PPP1R9A: variants seen among roughly 807,000 people sequenced by gnomAD.
PPP1R9A encodes protein phosphatase 1 regulatory subunit 9A.
Under a neutral mutation model 141.9 loss-of-function variants are expected in PPP1R9A, and 59 were observed. That is an observed-to-expected ratio of 0.42 (90% CI 0.34 to 0.52). The LOEUF (loss-of-function observed/expected upper bound fraction) is 0.52, where lower values mean the gene tolerates loss of function less well. Among genes scored for constraint, PPP1R9A ranks in the 20% least tolerant of loss-of-function variants. The pLI, the probability that PPP1R9A is intolerant of heterozygous loss-of-function variation, is 0.10. For synonymous variants in PPP1R9A, 500 were observed against 569.7 expected (o/e 0.88, Z 1.74); for missense variants, 1,444 against 1,611.9 (o/e 0.90, Z 1.78).
intron 2 of PPP1R9A, among the ~76,000 whole-genome samples, chr7:95,031,610 A>G (rs2151817623): frequency 6.6e-6 from 1 of 151,982 alleles, no homozygotes. Flanking sequence ...ATCAAAATTA[A>G]CTAGGCCTGA....
chr7:95,287,055 T>A lies in PPP1R9A; in HGVS notation c.3729+730T>A, dbSNP rs564497248. On this transcript the variant is annotated intron_variant, in intron 18 of 19. Coordinates refer to ENST00000433360, the MANE Select transcript of PPP1R9A (RefSeq NM_001166160.2). The stretch of plus-strand genomic sequence containing the variant: ...AAAATTATGTACTATATATGTTGTG[T>A]CTCCTGTTTCTGTAACACTTTTCTT... The A allele has an allele frequency of 9.7e-6, 15 of 1,539,690 alleles. No individual in the cohort carries two copies. The South Asian group carries it at 1.7e-4, about 17-fold the overall frequency.
intron 2 of PPP1R9A, among the ~76,000 whole-genome samples, chr7:95,047,167 G>T (rs952537717): frequency 5.3e-5 from 8 of 152,194 alleles, no homozygotes; most frequent in African/African-American, 1.9e-4. Flanking sequence ...GGTGGTTCCA[G>T]CCCCAAGATT....
intron 5 of PPP1R9A, among the ~76,000 whole-genome samples, chr7:95,197,174 A>G (rs1836409311): frequency 6.6e-6 from 1 of 152,190 alleles, no homozygotes; most frequent in South Asian, 2.1e-4. Flanking sequence ...TAATCAGAGG[A>G]AAGCATCAAT....
intron 2 of PPP1R9A, among the ~76,000 whole-genome samples, chr7:95,032,492 C>A (rs1807831400): frequency 6.6e-6 from 1 of 152,100 alleles, no homozygotes; most frequent in African/African-American, 2.4e-5. Flanking sequence ...CTACCCTTAT[C>A]TAAAGCTTAT....
chr7:94,908,022 C>G (rs1790963206), intron 1 of PPP1R9A: 2 of 149,666 alleles, frequency 1.3e-5, no homozygotes, highest in African/African-American at 4.9e-5. Context: ...TTGCGGTGTA[C>G]CCAGCGGGCC....
intron 2 of PPP1R9A, among the ~76,000 whole-genome samples, chr7:94,972,434 G>T (rs1222317735): frequency 2.7e-5 from 4 of 149,804 alleles, no homozygotes; most frequent in Non-Finnish European, 4.4e-5. Flanking sequence ...CCCTGCAAAT[G>T]TGACAGGCTT....
chr7:95,024,703 A>G (rs1188311994), intron 2 of PPP1R9A, among the ~76,000 whole-genome samples: 2 of 152,092 alleles, frequency 1.3e-5, no homozygotes, highest in Non-Finnish European at 2.9e-5. Flanking sequence ...TGAATACAGC[A>G]CACCGATAGG....
intron 7 of PPP1R9A, among the ~76,000 whole-genome samples, chr7:95,205,463 C>T (rs1340393518): frequency 1.3e-5 from 2 of 152,102 alleles, no homozygotes; most frequent in Non-Finnish European, 2.9e-5. Flanking sequence ...TAGAAACTAC[C>T]ACAAATGACA....
At chr7:95,278,209 C>T (rs1456652414) in intron 16 of PPP1R9A, among the ~76,000 whole-genome samples, 1 of 152,162 alleles carries the variant, frequency 6.6e-6, no homozygotes, top group African/African-American at 2.4e-5. Flanking sequence ...GCTCTGACTT[C>T]CCATTCACCT....
intron 2 of PPP1R9A, among the ~76,000 whole-genome samples, chr7:95,008,519 A>T (rs1158308351): frequency 6.6e-6 from 1 of 152,130 alleles, no homozygotes; most frequent in Non-Finnish European, 1.5e-5. Flanking sequence ...TTTATTTCCT[A>T]CTCACATGAT....
chr7:95,034,165 T>C (rs1808111550), intron 2 of PPP1R9A, among the ~76,000 whole-genome samples: 1 of 152,180 alleles, frequency 6.6e-6, no homozygotes, highest in South Asian at 2.1e-4. Flanking sequence ...TATCCAGGTC[T>C]TTTTAAATGT....
chr7:94,961,351 T>A (rs1274174431), intron 2 of PPP1R9A, among the ~76,000 whole-genome samples: 3 of 151,654 alleles, frequency 2.0e-5, no homozygotes, highest in African/African-American at 4.8e-5. Flanking sequence ...ATATTAGTAT[T>A]ATTCTAATAA....
intron 2 of PPP1R9A, chr7:95,036,630 A>G (rs1385544057): frequency 1.3e-5 from 2 of 152,226 alleles, no homozygotes; most frequent in African/African-American, 2.4e-5. Context: ...TGCCACAAAA[A>G]GCACTGCTAA....
intron 18 of PPP1R9A, chr7:95,286,967 T>C: frequency 3.7e-6 from 3 of 816,722 alleles, no homozygotes; most frequent in Non-Finnish European, 5.6e-6. Context: ...TCACAAAACT[T>C]TTTTTTTTCT....
At chr7:95,137,162 G>T (rs906888123) in intron 4 of PPP1R9A, among the ~76,000 whole-genome samples, 3 of 151,732 alleles carry the variant, frequency 2.0e-5, no homozygotes, top group Non-Finnish European at 4.4e-5. Flanking sequence ...GTATACGTGT[G>T]CCATGTTGGT....
At chr7:95,146,592 A>AT (rs1827666461) in intron 4 of PPP1R9A, among the ~76,000 whole-genome samples, 1 of 152,136 alleles carries the variant, frequency 6.6e-6, no homozygotes, top group African/African-American at 2.4e-5. Flanking sequence ...CCTGAATCAT[A>AT]TTGCCTAGGT....
In PPP1R9A at chr7:95,202,199, T is replaced by G. The variant is rs138746158; in HGVS notation, c.1891-1466T>G. 8.8e-3 allele frequency among the ~76,000 whole-genome samples: 1,343 copies of G among 152,296 alleles called. 21 individuals are homozygous for G. The highest frequency in any genetic ancestry group is 0.03 in the African/African-American group (1,260 of 41,570). On this transcript the variant is annotated intron_variant, in intron 6 of 19. Transcript: ENST00000433360. Reference sequence around the variant, plus strand: ...ATTATAAGTCATACTCTAGTAGAATTTAAGCTATGTAGATAATTTTCAAAC... The same window carrying G: ...ATTATAAGTCATACTCTAGTAGAATGTAAGCTATGTAGATAATTTTCAAAC...
rs1001889668 is a variant in PPP1R9A at position 94,914,405 on chromosome 7, G to A, written c.1395+2897G>A. On this transcript the variant is annotated intron_variant, in intron 2 of 19. Transcript: ENST00000433360. ...ATCAGAATAATAGTTGATCTTTCCTGTGTAGCATATACCTTGTACTTGTAC... is the reference window on the plus strand; with the variant it reads ...ATCAGAATAATAGTTGATCTTTCCTATGTAGCATATACCTTGTACTTGTAC... Among the ~76,000 whole-genome samples, 9 of 152,216 alleles carry A rather than the reference G, an allele frequency of 5.9e-5. No individual in the cohort carries two copies. The East Asian group carries it at 1.7e-3, about 29-fold the overall frequency.
chr7:95,173,465 A>T (rs750209631), intron 5 of PPP1R9A, among the ~76,000 whole-genome samples: 10 of 151,956 alleles, frequency 6.6e-5, no homozygotes, highest in Non-Finnish European at 1.0e-4. Context: ...CAATTTAAAA[A>T]TTTTTTTAGG....
Sources: allele counts gnomAD v4.1 joint callset (sites outside exome capture counted in the v4.1 genomes callset), GRCh38; gene constraint gnomAD v4.1.1; transcripts MANE v1.5; gene names NCBI Gene and HGNC (gene_info 2026-07-23, HGNC 2026-07-21).